The following PSMD14 variants were observed in gnomAD, a reference collection of about 807,000 sequenced individuals.
The protein encoded by PSMD14 is ubiquitin C-terminal hydrolase PSMD14.
A neutral mutation model predicts 41.2 loss-of-function variants in PSMD14; 7 were observed. The ratio of observed to expected loss-of-function variants is 0.17; its 90% CI spans 0.10 to 0.32. PSMD14 has a LOEUF of 0.32. Ranked by LOEUF, PSMD14 falls within the 10% of genes least tolerant of loss-of-function variation. The pLI is 1.00. For missense variants in PSMD14, 139 were observed against 375.6 expected, an observed-to-expected ratio of 0.37 and a Z score of 5.21; for synonymous variants, 114 against 122.3, an observed-to-expected ratio of 0.93 and a Z score of 0.45.
chr2:161,310,296 GTTA>G (rs1325010886), intron 1 of PSMD14, among the ~76,000 whole-genome samples: 1 of 152,152 alleles, frequency 6.6e-6, no homozygotes, highest in Non-Finnish European at 1.5e-5. Flanking sequence ...TGTTGTTATT[GTTA>G]TTATCTTAGA....
chr2:161,355,892 A>G (rs1356446506), intron 3 of PSMD14, among the ~76,000 whole-genome samples: 4 of 152,198 alleles, frequency 2.6e-5, no homozygotes, highest in Non-Finnish European at 4.4e-5. Context: ...ATTTCTAAAC[A>G]CTATCTCCTC....
chr2:161,324,233 A>C (rs183684830), intron 3 of PSMD14, among the ~76,000 whole-genome samples: 21 of 152,360 alleles, frequency 1.4e-4, no homozygotes, highest in Admixed American at 5.2e-4. Context: ...CAAGAATATC[A>C]ATGCCTAATC....
intron 3 of PSMD14, among the ~76,000 whole-genome samples, chr2:161,354,570 A>G (rs1037976660): frequency 6.6e-6 from 1 of 152,144 alleles, no homozygotes; most frequent in Non-Finnish European, 1.5e-5. Context: ...TCCTATTCTG[A>G]TGAGACAGAT....
Position 161,371,349 on chromosome 2 carries a change from A to G in PSMD14, c.462+27A>G, listed in dbSNP as rs1201212377. 5 of 1,586,860 alleles carry G rather than the reference A, an allele frequency of 3.2e-6. No homozygotes were observed. The African/African-American group carries it at 6.7e-5, about 21-fold the overall frequency. ...TAGAGTAGATTCTATCTTTATTGCC[A>G]TCTACTGCCACATTCTGTTTACAGA... On this transcript the variant is annotated intron_variant, in intron 7 of 11. Coordinates refer to ENST00000409682, the MANE Select transcript of PSMD14 (RefSeq NM_005805.6).
At chr2:161,310,569 C>A (rs1439192039) in intron 1 of PSMD14, among the ~76,000 whole-genome samples, 1 of 152,160 alleles carries the variant, frequency 6.6e-6, no homozygotes, top group Non-Finnish European at 1.5e-5. Flanking sequence ...ATTAAATAAT[C>A]TCTTCTAGTT....
chr2:161,311,177 C>T (rs1042468592), intron 1 of PSMD14, among the ~76,000 whole-genome samples: 5 of 152,006 alleles, frequency 3.3e-5, no homozygotes, highest in South Asian at 2.1e-4. Context: ...GGCATGGGGG[C>T]GTGTGCCTGT....
chr2:161,328,950 C>G (rs796547657), intron 3 of PSMD14, among the ~76,000 whole-genome samples: 7 of 152,118 alleles, frequency 4.6e-5, no homozygotes, highest in African/African-American at 1.4e-4. Flanking sequence ...GAAGAGCCAC[C>G]AAATAAAGTC....
At chr2:161,359,426 A>T (rs915581551) in intron 3 of PSMD14, among the ~76,000 whole-genome samples, 2 of 152,172 alleles carry the variant, frequency 1.3e-5, no homozygotes, top group African/African-American at 4.8e-5. Flanking sequence ...GTGATTTTTA[A>T]AAAGTCTCAA....
intron 7 of PSMD14, chr2:161,384,401 A>G (rs1683607781): frequency 6.6e-6 from 1 of 151,728 alleles, no homozygotes; most frequent in Non-Finnish European, 1.5e-5. Flanking sequence ...TTCAGACTTG[A>G]TTAGATTTGG....
intron 3 of PSMD14, among the ~76,000 whole-genome samples, chr2:161,353,651 G>A (rs1376078725): frequency 6.6e-6 from 1 of 152,148 alleles, no homozygotes; most frequent in Non-Finnish European, 1.5e-5. Context: ...TGTCACTTAT[G>A]TGTGTGTTCC....
At chr2:161,391,014 G>T in intron 8 of PSMD14, 90 bp from the exon 9 acceptor site, 1 of 1,184,984 alleles carries the variant, frequency 8.4e-7, no homozygotes, top group Non-Finnish European at 1.1e-6. Flanking sequence ...GATGGTACAG[G>T]TATTATGTAA....
chr2:161,405,958 T>C (rs1349214287), intron 10 of PSMD14, among the ~76,000 whole-genome samples: 1 of 152,018 alleles, frequency 6.6e-6, no homozygotes, highest in East Asian at 1.9e-4. Context: ...AAGACAGATG[T>C]TGGAGTAGCT....
chr2:161,337,348 GAGT>G (rs1263634425), intron 3 of PSMD14, among the ~76,000 whole-genome samples: 1 of 152,120 alleles, frequency 6.6e-6, no homozygotes, highest in Non-Finnish European at 1.5e-5. Context: ...TTATTGTTAG[GAGT>G]AGTAGTAGCA....
At chr2:161,317,629 A>G (rs966706153) in intron 2 of PSMD14, among the ~76,000 whole-genome samples, 21 of 152,230 alleles carry the variant, frequency 1.4e-4, no homozygotes, top group Admixed American at 1.3e-4. Flanking sequence ...TCTTTTCTGT[A>G]TGTGGACTTG....
intron 7 of PSMD14, among the ~76,000 whole-genome samples, chr2:161,377,105 A>G (rs1683512537): frequency 6.6e-6 from 1 of 151,906 alleles, no homozygotes; most frequent in Non-Finnish European, 1.5e-5. Flanking sequence ...TTTAATAGTC[A>G]TTTGTCTACT....
chr2:161,337,152 T>TTTTG (rs766330126), intron 3 of PSMD14, among the ~76,000 whole-genome samples: 3 of 152,312 alleles, frequency 2.0e-5, no homozygotes, highest in East Asian at 1.9e-4. Context: ...ACGTGCTTTG[T>TTTTG]TTTGTTTGTT....
intron 2 of PSMD14, among the ~76,000 whole-genome samples, chr2:161,317,239 A>G (rs1689157243): frequency 6.6e-6 from 1 of 152,130 alleles, no homozygotes; most frequent in Non-Finnish European, 1.5e-5. Flanking sequence ...AAATGTTGCT[A>G]TTAGGAGGAT....
chr2:161,383,912 G>A (rs893270344), intron 7 of PSMD14: 2 of 151,344 alleles, frequency 1.3e-5, no homozygotes, highest in African/African-American at 4.8e-5. Flanking sequence ...ACAATTGTTT[G>A]AAGTTATTTA....
intron 3 of PSMD14, among the ~76,000 whole-genome samples, chr2:161,349,074 G>C (rs1334316436): frequency 2.6e-5 from 4 of 152,116 alleles, no homozygotes; most frequent in African/African-American, 9.7e-5. Context: ...TGACCCTTTT[G>C]CTCAGTCCGC....
Sources: gnomAD v4.1 joint callset for allele counts (sites outside exome capture counted in the v4.1 genomes callset) on GRCh38, gnomAD v4.1.1 for gene constraint, MANE v1.5 for transcripts, NCBI Gene and HGNC (gene_info 2026-07-23, HGNC 2026-07-21) for gene names.